TMEFF2: variants seen among roughly 807,000 people sequenced by gnomAD.
The protein encoded by TMEFF2 is transmembrane protein with EGF like and two follistatin like domains 2, also known as tomoregulin-2.
A neutral mutation model predicts 53.8 loss-of-function variants in TMEFF2; 28 were observed. The ratio of observed to expected loss-of-function variants is 0.52; its 90% CI spans 0.39 to 0.71. The LOEUF (loss-of-function observed/expected upper bound fraction) is 0.71, where lower values mean the gene tolerates loss of function less well. TMEFF2 is among the 30% of genes least tolerant of loss of function. The pLI is 0.00. For missense variants in TMEFF2, 353 were observed against 455.2 expected (o/e 0.78, Z 2.04); for synonymous variants, 162 against 166.3 (o/e 0.97, Z 0.20).
intron 5 of TMEFF2, among the ~76,000 whole-genome samples, chr2:192,039,044 C>A (rs562300391): frequency 2.0e-5 from 3 of 151,890 alleles, no homozygotes; most frequent in African/African-American, 7.3e-5. Flanking sequence ...AGATATTTCC[C>A]GCCCCCCCCA....
chr2:192,010,818 C>T (rs571336790), intron 5 of TMEFF2, among the ~76,000 whole-genome samples: 37 of 152,272 alleles, frequency 2.4e-4, no homozygotes, highest in Middle Eastern at 3.4e-3. Flanking sequence ...AAAGCTTTCA[C>T]GGAGGATGTG....
At chr2:192,118,792 AG>A (rs1176449625) in intron 4 of TMEFF2, among the ~76,000 whole-genome samples, 1 of 152,202 alleles carries the variant, frequency 6.6e-6, no homozygotes, top group African/African-American at 2.4e-5. Context: ...CTTTATATGT[AG>A]ATTTCCACCT....
chr2:192,168,770 C>G (rs1285259604), intron 4 of TMEFF2, among the ~76,000 whole-genome samples: 1 of 152,062 alleles, frequency 6.6e-6, no homozygotes, highest in Non-Finnish European at 1.5e-5. Context: ...ATTTAAATGG[C>G]AGCATGCGAA....
chr2:192,033,810 C>T (rs1186365748), intron 5 of TMEFF2, among the ~76,000 whole-genome samples: 1 of 152,104 alleles, frequency 6.6e-6, no homozygotes, highest in Non-Finnish European at 1.5e-5. Context: ...GGTAACAAGG[C>T]CTTTTGTTAG....
intron 4 of TMEFF2, among the ~76,000 whole-genome samples, chr2:192,083,193 G>C (rs1325695886): frequency 5.3e-5 from 8 of 152,102 alleles, no homozygotes; most frequent in Non-Finnish European, 1.2e-4. Flanking sequence ...TAGTGTCCAG[G>C]GAGGAGTAGA....
intron 7 of TMEFF2, among the ~76,000 whole-genome samples, chr2:191,985,737 G>GC (rs1685960947): frequency 6.6e-6 from 1 of 152,148 alleles, no homozygotes; most frequent in East Asian, 1.9e-4. Context: ...GCAAAGTCTT[G>GC]CTCGTTTATC....
At chr2:192,069,707 A>C (rs1028394311) in intron 4 of TMEFF2, among the ~76,000 whole-genome samples, 3 of 151,796 alleles carry the variant, frequency 2.0e-5, no homozygotes, top group South Asian at 2.1e-4. Flanking sequence ...TGAGTTTTAG[A>C]GAAAATTTTA....
At chr2:192,012,851 GA>G (rs1351193988) in intron 5 of TMEFF2, among the ~76,000 whole-genome samples, 1 of 152,072 alleles carries the variant, frequency 6.6e-6, no homozygotes, top group Non-Finnish European at 1.5e-5. Context: ...CAAAGGTATA[GA>G]AAAATTAGTA....
intron 4 of TMEFF2, among the ~76,000 whole-genome samples, chr2:192,129,717 G>A (rs1689767362): frequency 6.6e-6 from 1 of 152,176 alleles, no homozygotes; most frequent in Admixed American, 6.5e-5. Context: ...ATCTGTGGGA[G>A]CAAGGTCCTT....
At chr2:191,964,376 T>TTCTTTCTTTCTTTC (rs1559063574) in intron 7 of TMEFF2, among the ~76,000 whole-genome samples, 5 of 27,676 alleles carry the variant, frequency 1.8e-4, no homozygotes, top group Admixed American at 3.9e-4. Flanking sequence ...TTCTTTCTCT[T>TTCTTTCTTTCTTTC]TCTTTCTTTC....
At chr2:192,099,634 C>G (rs942753107) in intron 4 of TMEFF2, among the ~76,000 whole-genome samples, 4 of 152,156 alleles carry the variant, frequency 2.6e-5, no homozygotes, top group African/African-American at 9.7e-5. Context: ...AGCCCCACAA[C>G]TTACAGAAGT....
chr2:192,170,424 AT>A (rs914194412), intron 4 of TMEFF2, among the ~76,000 whole-genome samples: 4 of 151,102 alleles, frequency 2.6e-5, no homozygotes, highest in East Asian at 2.0e-4. Context: ...AGAGTACACC[AT>A]TTTTTTTTGT....
At chr2:192,014,418 G>A (rs1686701135) in intron 5 of TMEFF2, among the ~76,000 whole-genome samples, 1 of 152,078 alleles carries the variant, frequency 6.6e-6, no homozygotes, top group African/African-American at 2.4e-5. Context: ...AAATGCTTTA[G>A]ATTCTCTGTC....
chr2:192,033,842 T>C (rs79703392), intron 5 of TMEFF2, among the ~76,000 whole-genome samples: 2,637 of 152,230 alleles, frequency 0.017, 74 homozygotes, highest in African/African-American at 0.06. Flanking sequence ...TAGTTAGTTT[T>C]TACTAACTAA....
intron 4 of TMEFF2, among the ~76,000 whole-genome samples, chr2:192,143,366 G>A (rs1690180717): frequency 1.3e-5 from 2 of 152,084 alleles, no homozygotes; most frequent in South Asian, 4.1e-4. Context: ...TGCTTCTGGT[G>A]TATGCGGGCT....
intron 4 of TMEFF2, among the ~76,000 whole-genome samples, chr2:192,144,214 A>G (rs1690199497): frequency 6.6e-6 from 1 of 151,808 alleles, no homozygotes; most frequent in Non-Finnish European, 1.5e-5. Flanking sequence ...CACTCTCCCC[A>G]TTTTCTGATT....
intron 4 of TMEFF2, among the ~76,000 whole-genome samples, chr2:192,114,533 T>C (rs1300554768): frequency 2.0e-5 from 3 of 147,512 alleles, no homozygotes; most frequent in African/African-American, 7.5e-5. Context: ...GATGACATAA[T>C]CCTATATATA....
chr2:192,089,078 A>G (rs1688731196), intron 4 of TMEFF2, among the ~76,000 whole-genome samples: 1 of 152,106 alleles, frequency 6.6e-6, no homozygotes, highest in African/African-American at 2.4e-5. Context: ...CTTATTGAAA[A>G]TCAAGACAAA....
chr2:192,132,789 A>G (rs1358935906), intron 4 of TMEFF2, among the ~76,000 whole-genome samples: 2 of 152,138 alleles, frequency 1.3e-5, no homozygotes, highest in African/African-American at 2.4e-5. Context: ...ACCTCGCTGA[A>G]AATCGGAGTG....
Sources: allele counts gnomAD v4.1 joint callset (sites outside exome capture counted in the v4.1 genomes callset), GRCh38; gene constraint gnomAD v4.1.1; transcripts MANE v1.5; gene names NCBI Gene and HGNC (gene_info 2026-07-23, HGNC 2026-07-21).